PZP: variants seen among roughly 807,000 people sequenced by gnomAD.
The protein encoded by PZP is pregnancy zone protein.
PZP carries 150 observed loss-of-function variants against 179.8 expected under a neutral mutation model. The observed-to-expected ratio is 0.83, with a 90% CI of 0.73 to 0.96. The LOEUF is 0.96. PZP is among the 40% of genes least tolerant of loss of function. PZP has a pLI of 0.00. For synonymous variants in PZP, 624 were observed against 652.3 expected, an observed-to-expected ratio of 0.96 and a Z score of 0.66; for missense variants, 1,689 against 1,764.0, an observed-to-expected ratio of 0.96 and a Z score of 0.76.
chr12:9,196,858 A>G (rs1943803939), intron 8 of PZP, among the ~76,000 whole-genome samples, 154 bp downstream of exon 8: 1 of 152,210 alleles, frequency 6.6e-6, no homozygotes, highest in Admixed American at 6.5e-5. Flanking sequence ...TTAGTCGTCC[A>G]AATGAGAATC....
intron 13 of PZP, among the ~76,000 whole-genome samples, chr12:9,183,633 T>C (rs1229091051): frequency 6.6e-6 from 1 of 152,098 alleles, no homozygotes; most frequent in Non-Finnish European, 1.5e-5. Context: ...AACTCCTCGG[T>C]TCAAGCAATC....
chr12:9,202,236 G>T (rs1178505396), intron 4 of PZP, 83 bp downstream of exon 4: 1 of 1,259,558 alleles, frequency 7.9e-7, no homozygotes. Context: ...TCATCCTCTC[G>T]CTTTTCTTGT....
chr12:9,207,377 G>A (rs184176439), intron 1 of PZP, among the ~76,000 whole-genome samples: 2 of 152,342 alleles, frequency 1.3e-5, no homozygotes, highest in South Asian at 4.1e-4. Flanking sequence ...TGGAAGAAAT[G>A]TAAAGGCAGC....
chr12:9,172,707 A>G (rs1436625749), intron 15 of PZP, among the ~76,000 whole-genome samples: 2 of 152,196 alleles, frequency 1.3e-5, no homozygotes, highest in Non-Finnish European at 2.9e-5. Flanking sequence ...ACTTTAAACC[A>G]ACAAAGATCA....
chr12:9,201,915 A>G (rs1481384320), intron 4 of PZP, among the ~76,000 whole-genome samples: 1 of 152,094 alleles, frequency 6.6e-6, no homozygotes, highest in African/African-American at 2.4e-5. Flanking sequence ...TCTATACTAT[A>G]TGTATCGAAT....
chr12:9,185,997 G>A (rs987430068), intron 13 of PZP, among the ~76,000 whole-genome samples: 3 of 151,662 alleles, frequency 2.0e-5, no homozygotes, highest in Non-Finnish European at 4.4e-5. Flanking sequence ...TAGTAGAGAT[G>A]GGGTTTCACC....
intron 16 of PZP, among the ~76,000 whole-genome samples, 179 bp downstream of exon 16, chr12:9,169,251 A>AGTG (rs1941812116): frequency 6.6e-6 from 1 of 152,100 alleles, no homozygotes; most frequent in Non-Finnish European, 1.5e-5. Flanking sequence ...CCTGACTCAC[A>AGTG]TACTGAGCTT....
intron 31 of PZP, 131 bp from the exon 32 acceptor site, chr12:9,152,441 C>T (rs1940429210): frequency 1.5e-6 from 1 of 687,368 alleles, no homozygotes; most frequent in Non-Finnish European, 2.5e-6. Context: ...GGTCTGTGTT[C>T]CCTGGACTTG....
chr12:9,166,267 G>A, intron 17 of PZP, 65 bp from the exon 18 acceptor site: 2 of 1,524,132 alleles, frequency 1.3e-6, no homozygotes, highest in Non-Finnish European at 1.8e-6. Context: ...GCACATGTGA[G>A]ACGTTAGAGA....
Position 9,152,259 on chromosome 12 carries a change from C to CATCTTTACATCAACA in PZP, c.4158_4172dup (p.Ile1386_Lys1390dup). Reference sequence around the variant, plus strand: ...GTTTCAGGGGAATAAAACCAGATACCATCTTTACATCAACAATCACCATAT... The same window carrying CATCTTTACATCAACA: ...GTTTCAGGGGAATAAAACCAGATACCATCTTTACATCAACAATCTTTACATCAACAATCACCATAT... On this transcript the variant is annotated inframe_insertion, in exon 32 of 36. Coordinates refer to ENST00000261336, the MANE Select transcript of PZP (RefSeq NM_002864.3). 1 of 1,613,018 alleles carries CATCTTTACATCAACA rather than the reference C, an allele frequency of 6.2e-7. No homozygotes were observed. Among genetic ancestry groups the CATCTTTACATCAACA allele is most frequent in the Non-Finnish European group, 8.5e-7 (1 of 1,179,154 alleles).
intron 13 of PZP, among the ~76,000 whole-genome samples, chr12:9,190,074 A>G (rs1455304833): frequency 6.6e-6 from 1 of 152,194 alleles, no homozygotes; most frequent in African/African-American, 2.4e-5. Context: ...CATTATGGAA[A>G]GCAGTGTGGC....
downstream of PZP, among the ~76,000 whole-genome samples, chr12:9,145,432 CA>C (rs983578640): frequency 6.6e-6 from 1 of 152,166 alleles, no homozygotes; most frequent in African/African-American, 2.4e-5. Context: ...AGTTTAATCA[CA>C]TACAAAAACT....
At chr12:9,151,876 T>C (rs1940383096) in intron 32 of PZP, among the ~76,000 whole-genome samples, 1 of 152,228 alleles carries the variant, frequency 6.6e-6, no homozygotes, top group Non-Finnish European at 1.5e-5. Context: ...TTAGTTCACG[T>C]TGATTTTTTT....
chr12:9,189,063 T>A (rs1943299327), intron 13 of PZP, among the ~76,000 whole-genome samples: 1 of 152,138 alleles, frequency 6.6e-6, no homozygotes, highest in Admixed American at 6.5e-5. Flanking sequence ...ATGAAAATGG[T>A]CATATTGCCC....
In PZP at chr12:9,158,492, C is replaced by G; in HGVS notation, c.3222G>C (p.Thr1074=). 1.2e-6 allele frequency: 2 copies of G among 1,614,122 alleles called. No individual in the cohort carries two copies. Among genetic ancestry groups the G allele is most frequent in the Non-Finnish European group, 1.7e-6 (2 of 1,180,028 alleles). ...IDEAHITQSL[T]WLSQMQKDNG... ...TGTCCTTCTGCATCTGGGAGAGCCA[C>G]GTGAGAGATTGGGTAATGTGTGCTT... The change falls in exon 26 of 36, where the codon ACG becomes ACC. Residue 1074 remains threonine, a synonymous_variant. Coordinates refer to ENST00000261336, the MANE Select transcript of PZP (RefSeq NM_002864.3).
chr12:9,198,226 C>A (rs904544527), intron 7 of PZP, among the ~76,000 whole-genome samples: 16 of 151,796 alleles, frequency 1.1e-4, no homozygotes, highest in African/African-American at 3.9e-4. Flanking sequence ...TGACATGCAC[C>A]TGTAGTCCTA....
In PZP at chr12:9,160,454, T is replaced by C; in HGVS notation, c.2909A>G (p.Asn970Ser). ...ACAGCCATATGGCATCTGGAGGAGATTTTGTATATTTTGCATAGCAGAACC... is the reference window on the plus strand; with the variant it reads ...ACAGCCATATGGCATCTGGAGGAGACTTTGTATATTTTGCATAGCAGAACC... ...ILGSAMQNIQNLLQMPYGCGE... is the reference protein window; with the variant it reads ...ILGSAMQNIQSLLQMPYGCGE... Residue 970 changes from asparagine to serine, a missense_variant, in exon 24 of 36, where the codon AAT becomes AGT. This residue lies in a region of PZP where 746 missense variants were observed against 749.2 expected (regional missense o/e 1.00). Coordinates refer to ENST00000261336, the MANE Select transcript of PZP (RefSeq NM_002864.3). 6.2e-7 allele frequency: 1 copy of C among 1,613,838 alleles called. No homozygotes were observed. The highest frequency in any genetic ancestry group is 8.5e-7 in the Non-Finnish European group (1 of 1,179,830).
At chr12:9,146,810 C>T (rs184961695), downstream of PZP, among the ~76,000 whole-genome samples, 33 of 152,274 alleles carry the variant, frequency 2.2e-4, no homozygotes, top group African/African-American at 7.5e-4. Flanking sequence ...TCTTTCTCCC[C>T]CAGGCAGCCA....
At chr12:9,145,395 A>C (rs1021893914), downstream of PZP, among the ~76,000 whole-genome samples, 7 of 152,318 alleles carry the variant, frequency 4.6e-5, no homozygotes, top group African/African-American at 1.4e-4. Context: ...TAGTTATAGC[A>C]GTCTGTTTTA....
Sources: allele counts gnomAD v4.1 joint callset (sites outside exome capture counted in the v4.1 genomes callset), GRCh38; gene constraint gnomAD v4.1.1; regional missense constraint gnomAD v4.1.1; transcripts MANE v1.5; gene names NCBI Gene and HGNC (gene_info 2026-07-23, HGNC 2026-07-21).